LPXN: variants seen among roughly 807,000 people sequenced by gnomAD.
LPXN encodes the protein leupaxin.
Under a neutral mutation model 45.6 loss-of-function variants are expected in LPXN, and 28 were observed. The observed-to-expected ratio is 0.61, with a 90% confidence interval of 0.45 to 0.84. The LOEUF (loss-of-function observed/expected upper bound fraction) is 0.84. LPXN is among the 40% of genes least tolerant of loss of function. The pLI is 0.00. For synonymous variants in LPXN, 166 were observed against 169.9 expected (o/e 0.98, Z 0.18); for missense variants, 459 against 475.0 (o/e 0.97, Z 0.31).
intron 7 of LPXN, among the ~76,000 whole-genome samples, chr11:58,531,934 C>T (rs768470726): frequency 1.2e-4 from 18 of 152,224 alleles, no homozygotes; most frequent in African/African-American, 2.2e-4. Flanking sequence ...CCTCTGCCTG[C>T]GGGGAGGTGT....
rs148117610 is a variant in LPXN at position 58,564,189 on chromosome 11, A to T, written c.184T>A (p.Tyr62Asn). 3 of 1,605,364 alleles carry T rather than the reference A, an allele frequency of 1.9e-6. No homozygotes were observed. Among genetic ancestry groups the T allele is most frequent in the Admixed American group, 3.4e-5 (2 of 58,626 alleles). ...TTGAGCTCCTGGATATTGGTAGTATACACGAGCTGCGCCTAAGATATATAA... is the reference window on the plus strand; with the variant it reads ...TTGAGCTCCTGGATATTGGTAGTATTCACGAGCTGCGCCTAAGATATATAA... Reference protein sequence around the residue: ...NTSPLPAQLVYTTNIQELNVY... With the variant: ...NTSPLPAQLVNTTNIQELNVY... The change falls in exon 3 of 9, where the codon TAT becomes AAT. Residue 62 changes from tyrosine (Y) to asparagine (N), a missense_variant. Transcript: ENST00000395074.
intron 7 of LPXN, among the ~76,000 whole-genome samples, chr11:58,537,242 C>A (rs1853580425): frequency 1.3e-5 from 2 of 152,158 alleles, no homozygotes; most frequent in African/African-American, 2.4e-5. Context: ...TTCACAAAAG[C>A]AAAGACTTGG....
chr11:58,543,906 G>A (rs1196399786), intron 7 of LPXN, among the ~76,000 whole-genome samples: 1 of 152,132 alleles, frequency 6.6e-6, no homozygotes. Context: ...ATCACAACAT[G>A]ACAATAGAAG....
chr11:58,561,806 T>C (rs1854386444), intron 3 of LPXN, among the ~76,000 whole-genome samples: 1 of 152,216 alleles, frequency 6.6e-6, no homozygotes, highest in South Asian at 2.1e-4. Flanking sequence ...AATAGATCAT[T>C]GTTATAATAC....
At chr11:58,569,727 T>G (rs1854627750) in intron 2 of LPXN, among the ~76,000 whole-genome samples, 1 of 152,158 alleles carries the variant, frequency 6.6e-6, no homozygotes, top group African/African-American at 2.4e-5. Flanking sequence ...CTTGTCAATT[T>G]GGTTAGTTTG....
upstream of LPXN, chr11:58,578,103 T>C (rs753649236): frequency 1.3e-6 from 2 of 1,538,660 alleles, no homozygotes; most frequent in Non-Finnish European, 1.8e-6. Flanking sequence ...AAGGCAAGTC[T>C]GGGCAGTTAC....
At position 58,566,630 on chromosome 11, in the gene LPXN, A is replaced by G. The variant is rs563400570; in HGVS notation, c.172-2429T>C. On this transcript the variant is annotated intron_variant, in intron 2 of 8. Transcript: ENST00000395074. ...AATTGTCAAAATAGATAATTAAACC[A>G]TATCTGCTTTCATCTTTTGATTTGT... 1.9e-3 allele frequency among the ~76,000 whole-genome samples: 287 copies of G among 152,312 alleles called. 2 individuals carry two copies. Among genetic ancestry groups the G allele is most frequent in the African/African-American group, 6.5e-3 (270 of 41,570 alleles).
At chr11:58,563,201 T>G (rs551502591) in intron 3 of LPXN, among the ~76,000 whole-genome samples, 1 of 152,302 alleles carries the variant, frequency 6.6e-6, no homozygotes, top group East Asian at 1.9e-4. Flanking sequence ...CTTTTTGTTA[T>G]TGTTTTGCTT....
At chr11:58,565,218 C>T (rs886682315) in intron 2 of LPXN, among the ~76,000 whole-genome samples, 5 of 151,868 alleles carry the variant, frequency 3.3e-5, no homozygotes, top group African/African-American at 1.2e-4. Context: ...AGACGGGTCA[C>T]GAGCTTGTAT....
intron 2 of LPXN, among the ~76,000 whole-genome samples, chr11:58,569,331 AT>A (rs1854612099): frequency 6.6e-6 from 1 of 152,188 alleles, no homozygotes; most frequent in Non-Finnish European, 1.5e-5. Context: ...ATGAGTAAAT[AT>A]AGCTGTTTTA....
In LPXN at chr11:58,565,987, C is replaced by T. The variant is rs576406447; in HGVS notation, c.172-1786G>A. Among the ~76,000 whole-genome samples the T allele has an allele frequency of 5.5e-4, 83 of 152,256 alleles. 1 individual carries two copies. The highest frequency in any genetic ancestry group is 3.7e-3 in the Admixed American group (56 of 15,306). On this transcript the variant is annotated intron_variant, in intron 2 of 8. Transcript: ENST00000395074. The stretch of plus-strand genomic sequence containing the variant: ...AACTCCAGCCTGGGCAACAGAGTGA[C>T]ACTCTGTCTCAACAACAACAAAAAA...
At chr11:58,561,557 G>A (rs779946132) in intron 3 of LPXN, among the ~76,000 whole-genome samples, 4 of 152,172 alleles carry the variant, frequency 2.6e-5, no homozygotes, top group Non-Finnish European at 5.9e-5. Context: ...CTCACAGCTC[G>A]ATCAGTCATA....
chr11:58,573,332 T>G (rs899176001), intron 1 of LPXN, among the ~76,000 whole-genome samples: 5 of 152,078 alleles, frequency 3.3e-5, no homozygotes, highest in Non-Finnish European at 7.4e-5. Flanking sequence ...CCTCAGATTT[T>G]TATTAGCCAG....
chr11:58,527,819 C>T lies in LPXN; in HGVS notation c.892-96G>A, dbSNP rs141245979. On this transcript the variant is annotated intron_variant, in intron 8 of 8. Transcript: ENST00000395074. ...TCAGCCTTGAAATTCCTGACAGTTA[C>T]CTGCCAGCTACAGGAATTTCCCTCA... 7.0e-4 allele frequency: 891 copies of T among 1,268,936 alleles called. 3 individuals are homozygous for T. Among genetic ancestry groups the T allele is most frequent in the Middle Eastern group, 5.6e-3 (22 of 3,894 alleles). 78.6% of individuals were successfully genotyped at this position (1,268,936 alleles called of 1,614,324 possible).
At chr11:58,562,893 G>A (rs779471777) in intron 3 of LPXN, among the ~76,000 whole-genome samples, 1 of 152,122 alleles carries the variant, frequency 6.6e-6, no homozygotes, top group Non-Finnish European at 1.5e-5. Flanking sequence ...AGACAGTGAG[G>A]ACCAACTGAT....
Position 58,527,415 on chromosome 11 carries a change from T to C in LPXN, c.*39A>G. ...CTTTCCTCTCCTCTCTTGGTTTAAA[T>C]TTTATAAGGAATCTGAAGAGGCTAT... On this transcript the variant is annotated 3_prime_UTR_variant, in exon 9 of 9. Coordinates refer to ENST00000395074, the MANE Select transcript of LPXN (RefSeq NM_004811.3). The C allele has an allele frequency of 6.2e-7, 1 of 1,603,432 alleles. No homozygotes were observed. Among genetic ancestry groups the C allele is most frequent in the Non-Finnish European group, 8.5e-7 (1 of 1,171,742 alleles).
intron 1 of LPXN, among the ~76,000 whole-genome samples, chr11:58,571,898 G>A (rs569807263): frequency 2.0e-5 from 3 of 152,180 alleles, no homozygotes; most frequent in Admixed American, 6.5e-5. Flanking sequence ...ACTTGAATCT[G>A]GGCTATCTGA....
At chr11:58,578,633 G>C (rs1230609151), upstream of LPXN, among the ~76,000 whole-genome samples, 1 of 152,210 alleles carries the variant, frequency 6.6e-6, no homozygotes, top group Non-Finnish European at 1.5e-5. Flanking sequence ...GTGGGGTAGG[G>C]TGGAGGCGGA....
intron 7 of LPXN, among the ~76,000 whole-genome samples, chr11:58,532,628 A>G (rs1396396570): frequency 6.6e-6 from 1 of 152,244 alleles, no homozygotes; most frequent in Non-Finnish European, 1.5e-5. Context: ...TGCACCAATC[A>G]GCACTCTGTG....
Sources: allele counts gnomAD v4.1 joint callset (sites outside exome capture counted in the v4.1 genomes callset), GRCh38; gene constraint gnomAD v4.1.1; transcripts MANE v1.5; gene names NCBI Gene and HGNC (gene_info 2026-07-23, HGNC 2026-07-21).